DNAH1: variants seen among roughly 807,000 people sequenced by gnomAD.
DNAH1 encodes the protein axonemal beta dynein heavy chain 1.
A neutral mutation model predicts 484.3 loss-of-function variants in DNAH1; 327 were observed. The observed-to-expected ratio is 0.68, with a 90% CI of 0.62 to 0.74. DNAH1 has a LOEUF of 0.74. Among genes scored for constraint, DNAH1 ranks in the 30% least tolerant of loss-of-function variants. The pLI, the probability that DNAH1 is intolerant of heterozygous loss-of-function variation, is 0.00. For missense variants in DNAH1, 5,052 were observed against 5,546.8 expected, an observed-to-expected ratio of 0.91 and a Z score of 2.83; for synonymous variants, 2,192 against 2,191.9, an observed-to-expected ratio of 1.00 and a Z score of 0.00.
At chr3:52,344,408 T>G (rs1702063206) in intron 8 of DNAH1, 82 bp from the exon 9 acceptor site, 2 of 1,541,198 alleles carry the variant, frequency 1.3e-6, no homozygotes, top group African/African-American at 1.4e-5. Flanking sequence ...CCCAGGTCCA[T>G]GCCAGAGCAG....
At position 52,379,499 on chromosome 3, in the gene DNAH1, C is replaced by T. The variant is rs1171760473; in HGVS notation, c.7378-406C>T. Among the ~76,000 whole-genome samples the T allele has an allele frequency of 6.6e-6, 1 of 152,058 alleles. No individual in the cohort carries two copies. Among genetic ancestry groups the T allele is most frequent in the African/African-American group, 2.4e-5 (1 of 41,396 alleles). On this transcript the variant is annotated intron_variant, in intron 47 of 77. Coordinates refer to ENST00000420323, the MANE Select transcript of DNAH1 (RefSeq NM_015512.5). This position sits in a 1 kb window ranked among gnomAD's most constrained non-coding sequence, Gnocchi z 4.4. ...TTCAGAGGAGATTGGTGGGTCATGT[C>T]AGTGTGGCTTGGTGGGTGGTTAGAT...
chr3:52,348,400 T>C (rs1702231896), intron 12 of DNAH1, among the ~76,000 whole-genome samples: 1 of 152,114 alleles, frequency 6.6e-6, no homozygotes. Context: ...TCTCTCTTCA[T>C]CTCCAGAGGT....
chr3:52,378,551 G>T (rs972377990), intron 46 of DNAH1, 51 bp from the exon 47 acceptor site: 152 of 1,588,128 alleles, frequency 9.6e-5, no homozygotes, highest in South Asian at 1.1e-4. Flanking sequence ...CTGCAGAGGC[G>T]GCAGAGGGAG....
rs372450498 is a variant in DNAH1 at position 52,363,009 on chromosome 3, C to T, written c.5109C>T (p.Pro1703=). 49 of 1,613,840 alleles carry T rather than the reference C, an allele frequency of 3.0e-5. No individual in the cohort carries two copies. The highest frequency in any genetic ancestry group is 4.0e-5 in the Non-Finnish European group (47 of 1,179,868). ...GTGTGTCCCAGGCGCTCTTCCGACC[C>T]GTGGCCATGATGGTTCCAGATTACG... The part of the protein sequence containing the change: ...LPDNLKALFR[P]VAMMVPDYAM... Residue 1703 remains proline (P), a synonymous_variant, in exon 32 of 78, where the codon CCC becomes CCT. Coordinates refer to ENST00000420323, the MANE Select transcript of DNAH1 (RefSeq NM_015512.5).
In DNAH1 at chr3:52,361,679, CTTCGACGAG is replaced by C; in HGVS notation, c.4897_4905del (p.Asp1633_Phe1635del). The C allele has an allele frequency of 6.2e-7, 1 of 1,608,220 alleles. No individual in the cohort carries two copies. Among genetic ancestry groups the C allele is most frequent in the East Asian group, 2.2e-5 (1 of 44,658 alleles). Reference sequence around the variant, plus strand: ...CACTCAGTGCTGGGGCCTGGGCCTGCTTCGACGAGTTCAATCGCATCGACATCGAGGTGC... The same window carrying C: ...CACTCAGTGCTGGGGCCTGGGCCTGCTTCAATCGCATCGACATCGAGGTGC... On this transcript the variant is annotated inframe_deletion, in exon 30 of 78. Coordinates refer to ENST00000420323, the MANE Select transcript of DNAH1 (RefSeq NM_015512.5). The surrounding 1 kb of genome is among the most constrained non-coding windows in gnomAD (Gnocchi z 5.6).
Position 52,359,397 on chromosome 3 carries a change from A to T in DNAH1, c.4407+11A>T. On this transcript the variant is annotated intron_variant, in intron 26 of 77. Transcript: ENST00000420323. Reference sequence around the variant, plus strand: ...CAGCTCTGCCAGCAGGTTGGAGTCAAGAGGACCCCTGTCTGTCCCCCTCCA... The same window carrying T: ...CAGCTCTGCCAGCAGGTTGGAGTCATGAGGACCCCTGTCTGTCCCCCTCCA... The T allele has an allele frequency of 6.4e-7, 1 of 1,567,584 alleles. No individual in the cohort carries two copies.
chr3:52,342,091 A>G (rs1013113963), intron 8 of DNAH1, among the ~76,000 whole-genome samples: 3 of 152,222 alleles, frequency 2.0e-5, no homozygotes, highest in Non-Finnish European at 4.4e-5. Flanking sequence ...TGGTGATAAC[A>G]TTTGAGTTGA....
intron 60 of DNAH1, among the ~76,000 whole-genome samples, 181 bp downstream of exon 60, chr3:52,389,767 G>C (rs1302586855): frequency 6.6e-6 from 1 of 152,376 alleles, no homozygotes; most frequent in East Asian, 1.9e-4. Flanking sequence ...GCTGGGCTGA[G>C]TGTGGCACAG....
chr3:52,350,010 A>T lies in DNAH1; in HGVS notation c.2548A>T (p.Ile850Phe). 6.2e-7 allele frequency: 1 copy of T among 1,611,984 alleles called. No individual in the cohort carries two copies. The highest frequency in any genetic ancestry group is 8.5e-7 in the Non-Finnish European group (1 of 1,179,282). The change falls in exon 15 of 78, where the codon ATC becomes TTC. Residue 850 changes from isoleucine to phenylalanine, a missense_variant. By Grantham distance (21) the Ile-to-Phe change is conservative. Coordinates refer to ENST00000420323, the MANE Select transcript of DNAH1 (RefSeq NM_015512.5). ...VDSICEEFRS[I>F]SRKIYEKPNS... Reference sequence around the variant, plus strand: ...CCAGATCTGCGAGGAGTTCCGCAGCATCAGCCGCAAGATCTATGAGAAGCC... The same window carrying T: ...CCAGATCTGCGAGGAGTTCCGCAGCTTCAGCCGCAAGATCTATGAGAAGCC...
chr3:52,363,521 T>A (rs1702949828), intron 32 of DNAH1, among the ~76,000 whole-genome samples: 1 of 152,188 alleles, frequency 6.6e-6, no homozygotes, highest in African/African-American at 2.4e-5. Flanking sequence ...AGCCAGGCCC[T>A]CCGAGCCTCC....
At position 52,369,928 on chromosome 3, in the gene DNAH1, T is replaced by C. The variant is rs763301315; in HGVS notation, c.6047T>C (p.Met2016Thr). The change falls in exon 38 of 78, where the codon ATG (methionine) becomes ACG (threonine). Residue 2016 changes from methionine (M) to threonine (T), a missense_variant. Met to Thr is a moderately conservative substitution (Grantham distance 81). Transcript: ENST00000420323. ...VYLEPSILGLMPFIECWLRKL... is the reference protein window; with the variant it reads ...VYLEPSILGLTPFIECWLRKL... ...CTGGAGCCCAGCATCCTGGGGCTCATGCCCTTCATCGAGTGCTGGCTGAGG... is the reference window on the plus strand; with the variant it reads ...CTGGAGCCCAGCATCCTGGGGCTCACGCCCTTCATCGAGTGCTGGCTGAGG... 1.9e-6 allele frequency: 3 copies of C among 1,614,002 alleles called. No homozygotes were observed. Among genetic ancestry groups the C allele is most frequent in the Non-Finnish European group, 2.5e-6 (3 of 1,179,882 alleles).
In DNAH1 at chr3:52,377,208, C is replaced by T. The variant is rs182561451; in HGVS notation, c.7198+1215C>T. Among the ~76,000 whole-genome samples, 325 of 152,262 alleles carry T rather than the reference C, an allele frequency of 2.1e-3. 2 individuals carry two copies. The highest frequency in any genetic ancestry group is 7.3e-3 in the African/African-American group (303 of 41,546). On this transcript the variant is annotated intron_variant, in intron 46 of 77. Transcript: ENST00000420323. ...TCCAGAGCCAAACTCCCGAGTACCCCGGTCCCCGCACTCTTCCCATCTCAG... is the reference window on the plus strand; with the variant it reads ...TCCAGAGCCAAACTCCCGAGTACCCTGGTCCCCGCACTCTTCCCATCTCAG...
At chr3:52,340,563 T>C (rs1351949173) in intron 8 of DNAH1, among the ~76,000 whole-genome samples, 1 of 152,054 alleles carries the variant, frequency 6.6e-6, no homozygotes, top group African/African-American at 2.4e-5. Context: ...GCCTCCCGAG[T>C]AGCTGGGACT....
intron 6 of DNAH1, among the ~76,000 whole-genome samples, chr3:52,329,597 G>A (rs1701468591): frequency 2.0e-5 from 3 of 152,100 alleles, no homozygotes; most frequent in Admixed American, 2.0e-4. Context: ...AGAAGCCAAG[G>A]CAGGCGGATC....
chr3:52,369,064 C>A, intron 37 of DNAH1, 146 bp downstream of exon 37: 1 of 912,428 alleles, frequency 1.1e-6, no homozygotes, highest in Non-Finnish European at 1.6e-6. Context: ...CAGCAAGAGC[C>A]CTCCTGCTAG....
chr3:52,365,506 C>A (rs968725157), intron 34 of DNAH1, among the ~76,000 whole-genome samples: 1 of 152,218 alleles, frequency 6.6e-6, no homozygotes, highest in Non-Finnish European at 1.5e-5. Flanking sequence ...CCTTCCTTCA[C>A]TGACTTGTTG....
intron 64 of DNAH1, 31 bp from the exon 65 acceptor site, chr3:52,392,799 T>TGGGGGGGGGGGGGGGG: frequency 2.4e-6 from 3 of 1,274,360 alleles, no homozygotes; most frequent in Non-Finnish European, 2.2e-6. Context: ...TTCTGCTCTT[T>TGGGGGGGGGGGGGGGG]GACCCCTCCC....
intron 3 of DNAH1, among the ~76,000 whole-genome samples, chr3:52,325,017 G>A (rs943092403): frequency 7.9e-5 from 12 of 152,180 alleles, no homozygotes; most frequent in African/African-American, 2.9e-4. Flanking sequence ...TGGCCACTGA[G>A]TGGGTCCTGG....
intron 52 of DNAH1, 52 bp downstream of exon 52, chr3:52,384,083 G>T: frequency 1.3e-6 from 2 of 1,494,864 alleles, no homozygotes; most frequent in Admixed American, 2.2e-5. Flanking sequence ...TTAGCTTGGG[G>T]CATGGGCTCA....
Sources: allele counts gnomAD v4.1 joint callset (sites outside exome capture counted in the v4.1 genomes callset), GRCh38; gene constraint gnomAD v4.1.1; non-coding constraint Gnocchi (gnomAD v3.1); transcripts MANE v1.5; gene names NCBI Gene and HGNC (gene_info 2026-07-23, HGNC 2026-07-21).